PHLDB2: variants seen among roughly 807,000 people sequenced by gnomAD.
PHLDB2 encodes pleckstrin homology like domain family B member 2, also known as pleckstrin homology-like domain family B member 2.
Under a neutral mutation model 123.6 loss-of-function variants are expected in PHLDB2, and 71 were observed. That is an observed-to-expected ratio of 0.57 (90% confidence interval 0.47 to 0.70). PHLDB2 has a LOEUF of 0.70. PHLDB2 is among the 30% of genes least tolerant of loss of function. The pLI, the probability that PHLDB2 is intolerant of heterozygous loss-of-function variation, is 0.00. For missense variants in PHLDB2, 1,446 were observed against 1,519.5 expected, an observed-to-expected ratio of 0.95 and a Z score of 0.80; for synonymous variants, 547 against 541.6, an observed-to-expected ratio of 1.01 and a Z score of -0.14.
intron 1 of PHLDB2, among the ~76,000 whole-genome samples, chr3:111,815,075 C>T (rs2062013793): frequency 6.6e-6 from 1 of 152,180 alleles, no homozygotes; most frequent in African/African-American, 2.4e-5. Context: ...TCTTTGCCTG[C>T]TGCCATCCAT....
At chr3:111,737,568 T>A (rs893737460) in intron 1 of PHLDB2, among the ~76,000 whole-genome samples, 2 of 152,062 alleles carry the variant, frequency 1.3e-5, no homozygotes, top group Non-Finnish European at 2.9e-5. Flanking sequence ...CTTGGAGGGG[T>A]TCCCAGAAAG....
chr3:111,783,036 C>A (rs2060541020), intron 1 of PHLDB2, among the ~76,000 whole-genome samples: 1 of 151,926 alleles, frequency 6.6e-6, no homozygotes, highest in Non-Finnish European at 1.5e-5. Flanking sequence ...CTCCTCTGTC[C>A]CCAGCTGCTA....
chr3:111,837,087 T>C (rs1335368605), intron 1 of PHLDB2, among the ~76,000 whole-genome samples: 2 of 152,212 alleles, frequency 1.3e-5, no homozygotes, highest in Non-Finnish European at 2.9e-5. Flanking sequence ...CTCAGTATCC[T>C]GTTATAACAT....
rs2107334482 is a variant in PHLDB2 at position 111,885,138 on chromosome 3, T to C, written c.1061T>C (p.Phe354Ser). ...ACCTCCTCCTGTGCCTCTGATGACTTTGATCAGGCTTCATATGTGGGGACA... is the reference window on the plus strand; with the variant it reads ...ACCTCCTCCTGTGCCTCTGATGACTCTGATCAGGCTTCATATGTGGGGACA... ...ASTSSCASDD[F>S]DQASYVGTNP... The change falls in exon 2 of 18, where the codon TTT (phenylalanine) becomes TCT (serine). Residue 354 changes from phenylalanine (F) to serine (S), a missense_variant. This residue lies in a region of PHLDB2 where 832 missense variants were observed against 831.9 expected (regional missense o/e 1.00). Coordinates refer to ENST00000431670, the MANE Select transcript of PHLDB2 (RefSeq NM_001134438.2). 1 of 1,614,162 alleles carries C rather than the reference T, an allele frequency of 6.2e-7. No homozygotes were observed. The highest frequency in any genetic ancestry group is 1.1e-5 in the South Asian group (1 of 91,080).
chr3:111,929,146 G>A (rs940842176), intron 5 of PHLDB2, among the ~76,000 whole-genome samples: 25 of 152,110 alleles, frequency 1.6e-4, no homozygotes, highest in African/African-American at 6.0e-4. Context: ...CACACCTGTA[G>A]TCCCAGCTAC....
At chr3:111,789,464 G>A (rs186909857) in intron 1 of PHLDB2, among the ~76,000 whole-genome samples, 9 of 152,228 alleles carry the variant, frequency 5.9e-5, no homozygotes, top group Admixed American at 2.6e-4. Context: ...TACATTCTCC[G>A]TTTAAAAAAA....
chr3:111,886,002 C>G (rs557616552), intron 2 of PHLDB2, among the ~76,000 whole-genome samples: 115 of 152,290 alleles, frequency 7.6e-4, no homozygotes, highest in African/African-American at 2.6e-3. Context: ...ATTGAGTTGT[C>G]TTTTTCCATT....
intron 1 of PHLDB2, among the ~76,000 whole-genome samples, chr3:111,760,204 G>A (rs1303341454): frequency 6.6e-6 from 1 of 152,198 alleles, no homozygotes; most frequent in East Asian, 1.9e-4. Context: ...TAAGACCAGA[G>A]AGCAATATAA....
chr3:111,909,652 C>G (rs1249220750), intron 2 of PHLDB2, among the ~76,000 whole-genome samples: 2 of 151,830 alleles, frequency 1.3e-5, no homozygotes, highest in Non-Finnish European at 2.9e-5. Context: ...TATGGATCCC[C>G]AGCACGTTAC....
At chr3:111,899,579 T>C (rs2067070471) in intron 2 of PHLDB2, among the ~76,000 whole-genome samples, 1 of 152,142 alleles carries the variant, frequency 6.6e-6, no homozygotes, top group African/African-American at 2.4e-5. Context: ...ACAGGCAAAA[T>C]AGATTTAGCA....
intron 2 of PHLDB2, among the ~76,000 whole-genome samples, chr3:111,849,441 G>A (rs1012289391): frequency 3.9e-5 from 6 of 152,180 alleles, no homozygotes; most frequent in Non-Finnish European, 5.9e-5. Context: ...AAAGCGCTGG[G>A]ATTCCAGGCA....
intron 1 of PHLDB2, among the ~76,000 whole-genome samples, chr3:111,739,972 T>A (rs778444350): frequency 6.6e-6 from 1 of 152,152 alleles, no homozygotes; most frequent in Non-Finnish European, 1.5e-5. Flanking sequence ...TTTTTTTACC[T>A]GAGGTTATTT....
intron 3 of PHLDB2, chr3:111,916,963 T>C (rs1029645919): frequency 2.0e-5 from 3 of 152,122 alleles, no homozygotes; most frequent in African/African-American, 7.2e-5. Flanking sequence ...CCAGAGAAAT[T>C]AAAATGAAGG....
intron 1 of PHLDB2, among the ~76,000 whole-genome samples, chr3:111,772,845 T>C (rs535117376): frequency 5.9e-5 from 9 of 152,166 alleles, no homozygotes; most frequent in Non-Finnish European, 1.2e-4. Context: ...ACACTTTTTT[T>C]AACAGGCCCC....
intron 1 of PHLDB2, among the ~76,000 whole-genome samples, chr3:111,825,129 A>G (rs566927788): frequency 4.6e-4 from 70 of 152,356 alleles, no homozygotes; most frequent in Non-Finnish European, 9.6e-4. Context: ...TGAGAAGAAA[A>G]AGATTTGCTC....
chr3:111,961,354 A>G (rs146343604), intron 12 of PHLDB2, among the ~76,000 whole-genome samples: 65 of 151,360 alleles, frequency 4.3e-4, no homozygotes, highest in African/African-American at 1.4e-3. Context: ...AAAAATAAAG[A>G]CCTCTTATTT....
rs138879690 is a variant in PHLDB2 at position 111,841,248 on chromosome 3, C to T, written c.-48-4573C>T. On this transcript the variant is annotated intron_variant, in intron 1 of 17. Transcript: ENST00000393923. ...CTGAGTAGCTGGGACTACAGGCACC[C>T]GCCATCACACCCAGCTAATTTTTAG... 4.3e-3 allele frequency among the ~76,000 whole-genome samples: 661 copies of T among 152,182 alleles called. 5 individuals carry two copies. Among genetic ancestry groups the T allele is most frequent in the African/African-American group, 0.015 (634 of 41,520 alleles).
intron 1 of PHLDB2, among the ~76,000 whole-genome samples, chr3:111,749,944 TC>T (rs2059741957): frequency 6.6e-6 from 1 of 152,206 alleles, no homozygotes; most frequent in African/African-American, 2.4e-5. Context: ...GGAACTCTTG[TC>T]CATTACACGT....
intron 7 of PHLDB2, among the ~76,000 whole-genome samples, 197 bp from the exon 8 acceptor site, chr3:111,940,338 C>T (rs1324982848): frequency 6.6e-6 from 1 of 152,142 alleles, no homozygotes; most frequent in African/African-American, 2.4e-5. Flanking sequence ...TATTAGCCTT[C>T]AGTAAAGAAA....
Sources: allele counts gnomAD v4.1 joint callset (sites outside exome capture counted in the v4.1 genomes callset), GRCh38; gene constraint gnomAD v4.1.1; regional missense constraint gnomAD v4.1.1; transcripts MANE v1.5; gene names NCBI Gene and HGNC (gene_info 2026-07-23, HGNC 2026-07-21).